ABLIM2: variants seen among roughly 807,000 people sequenced by gnomAD.
ABLIM2 encodes actin binding LIM protein family member 2, also known as actin-binding LIM protein 2.
Under a neutral mutation model 97.7 loss-of-function variants are expected in ABLIM2, and 53 were observed. That is an observed-to-expected ratio of 0.54 (90% CI 0.44 to 0.68). The LOEUF is 0.68. Among genes scored for constraint, ABLIM2 ranks in the 30% least tolerant of loss-of-function variants. The probability of loss-of-function intolerance (pLI) is 0.00; values close to 1 mark genes in which losing one functional copy is unlikely to be tolerated. For synonymous variants in ABLIM2, 361 were observed against 345.8 expected (o/e 1.04, Z -0.49); for missense variants, 835 against 867.2 (o/e 0.96, Z 0.47).
At chr4:7,991,548 G>A (rs999135342) in intron 17 of ABLIM2, among the ~76,000 whole-genome samples, 27 of 152,146 alleles carry the variant, frequency 1.8e-4, no homozygotes, top group African/African-American at 6.3e-4. Context: ...TGGTGTCGTA[G>A]GAGTCCTGTG....
intron 8 of ABLIM2, among the ~76,000 whole-genome samples, chr4:8,051,546 G>A (rs1413416500): frequency 7.7e-6 from 1 of 129,390 alleles, no homozygotes; most frequent in Non-Finnish European, 1.6e-5. Flanking sequence ...CCTGAAGACA[G>A]AGCGAGATTC....
At chr4:8,153,135 C>A (rs773429927) in intron 1 of ABLIM2, among the ~76,000 whole-genome samples, 1 of 152,104 alleles carries the variant, frequency 6.6e-6, no homozygotes, top group African/African-American at 2.4e-5. Context: ...CAAGACAGGC[C>A]CCTTCATCTC....
rs371957451 is a variant in ABLIM2 at position 8,080,669 on chromosome 4, C to A, written c.581+7G>T. 264 of 1,597,460 alleles carry A rather than the reference C, an allele frequency of 1.7e-4. No homozygotes were observed. The African/African-American group carries it at 2.6e-3, about 16-fold the overall frequency. On this transcript the variant is annotated splice_region_variant and intron_variant, in intron 5 of 20. Transcript: ENST00000447017. Reference sequence around the variant, plus strand: ...GAGGCTCTCACTAGAGCCCTCCCCCCACTTACTTGCTGATGTACTCGGCAT... The same window carrying A: ...GAGGCTCTCACTAGAGCCCTCCCCCAACTTACTTGCTGATGTACTCGGCAT...
intron 9 of ABLIM2, among the ~76,000 whole-genome samples, chr4:8,038,841 C>T (rs182818673): frequency 7.9e-4 from 120 of 152,274 alleles, no homozygotes; most frequent in African/African-American, 2.7e-3. Flanking sequence ...GAAATTGGAA[C>T]TCTGGCGCTT....
At chr4:8,029,392 G>C (rs546338840) in intron 11 of ABLIM2, among the ~76,000 whole-genome samples, 1 of 152,270 alleles carries the variant, frequency 6.6e-6, no homozygotes, top group South Asian at 2.1e-4. Flanking sequence ...CCTAGGCTGT[G>C]TGCTCCACGG....
chr4:8,142,082 T>C (rs750620295), intron 1 of ABLIM2, among the ~76,000 whole-genome samples: 6 of 152,152 alleles, frequency 3.9e-5, no homozygotes, highest in Non-Finnish European at 7.4e-5. Context: ...GGCGCAGCTG[T>C]TCGAGTTGTC....
chr4:8,094,311 G>C (rs1830298355), intron 3 of ABLIM2, among the ~76,000 whole-genome samples: 1 of 152,128 alleles, frequency 6.6e-6, no homozygotes, highest in Non-Finnish European at 1.5e-5. Flanking sequence ...GCTGCAGCAG[G>C]ACAAGCCACA....
chr4:8,052,166 T>C (rs1037578396), intron 8 of ABLIM2, among the ~76,000 whole-genome samples: 1 of 152,228 alleles, frequency 6.6e-6, no homozygotes, highest in African/African-American at 2.4e-5. Context: ...CGGAGCCACA[T>C]CATCAGGAGA....
At chr4:8,034,775 T>TA in intron 10 of ABLIM2, among the ~76,000 whole-genome samples, 1 of 11,538 alleles carries the variant, frequency 8.7e-5, no homozygotes. Context: ...GGTAGGTGGG[T>TA]GGTGGGTGCA....
rs1312835348 is a variant in ABLIM2, at chr4:8,019,157, C to T, written c.1423+461G>A. Among the ~76,000 whole-genome samples the T allele has an allele frequency of 6.6e-6, 1 of 152,202 alleles. No individual in the cohort carries two copies. The highest frequency in any genetic ancestry group is 1.5e-5 in the Non-Finnish European group (1 of 68,038). On this transcript the variant is annotated intron_variant, in intron 14 of 20. Coordinates refer to ENST00000447017, the MANE Select transcript of ABLIM2 (RefSeq NM_001130083.2). This position sits in a 1 kb window ranked among gnomAD's most constrained non-coding sequence, Gnocchi z 4.3. ...CGGAAGGCAAGGTCACCCATCCCATCATCAGAAATTCTCAAAACTCAAGAC... is the reference window on the plus strand; with the variant it reads ...CGGAAGGCAAGGTCACCCATCCCATTATCAGAAATTCTCAAAACTCAAGAC...
At chr4:7,994,188 G>A (rs1332417147) in intron 16 of ABLIM2, among the ~76,000 whole-genome samples, 1 of 35,434 alleles carries the variant, frequency 2.8e-5, no homozygotes, top group Admixed American at 3.6e-4. Flanking sequence ...ATGCTGGTGC[G>A]CTGCACCCAC....
Position 8,120,318 on chromosome 4 carries a change from C to A in ABLIM2, c.11-13681G>T, listed in dbSNP as rs1428289310. ...CAAGTGACTGTGTTCGGAGACGGGG[C>A]CTTCAAAGGTGTCGTTATGGTAAAG... On this transcript the variant is annotated intron_variant, in intron 1 of 20. Coordinates refer to ENST00000447017, the MANE Select transcript of ABLIM2 (RefSeq NM_001130083.2). This position sits in a 1 kb window ranked among gnomAD's most constrained non-coding sequence, Gnocchi z 5.6. Among the ~76,000 whole-genome samples, 1 of 152,130 alleles carries A rather than the reference C, an allele frequency of 6.6e-6. No homozygotes were observed. Among genetic ancestry groups the A allele is most frequent in the Non-Finnish European group, 1.5e-5 (1 of 68,022 alleles).
intron 20 of ABLIM2, among the ~76,000 whole-genome samples, chr4:7,971,302 C>T (rs1727800429): frequency 6.6e-6 from 1 of 152,174 alleles, no homozygotes; most frequent in South Asian, 2.1e-4. Flanking sequence ...GCTCCTCTGA[C>T]CCCAGGTTCC....
rs376809611 is a variant in ABLIM2 at position 8,009,158 on chromosome 4, C to T, written c.1424-56G>A. The stretch of plus-strand genomic sequence containing the variant: ...ACACACCATTGCTTGTGGGTTTCTG[C>T]CTCATGGTTTCCCATGTTACAGTTA... On this transcript the variant is annotated intron_variant, in intron 14 of 20. Transcript: ENST00000447017. 6.9e-5 allele frequency: 111 copies of T among 1,600,550 alleles called. No homozygotes were observed. In the African/African-American group the frequency reaches 1.3e-3, roughly 19 times the overall value.
rs367990340 is a variant in ABLIM2, at chr4:8,081,763, G to A, written c.455-961C>T. ...GCAGAGCGGCAGAGACGCTGTGACA[G>A]CATCCCCAAGGGAAAGGGCCTCTCA... On this transcript the variant is annotated intron_variant, in intron 4 of 20. Transcript: ENST00000447017. Among the ~76,000 whole-genome samples, 130 of 152,284 alleles carry A rather than the reference G, an allele frequency of 8.5e-4. 1 individual carries two copies. Among genetic ancestry groups the A allele is most frequent in the African/African-American group, 2.3e-3 (94 of 41,538 alleles).
At chr4:8,026,428 A>G (rs1777362182) in intron 12 of ABLIM2, among the ~76,000 whole-genome samples, 2 of 152,246 alleles carry the variant, frequency 1.3e-5, no homozygotes, top group South Asian at 4.1e-4. Context: ...GGCCCGCCCA[A>G]AGCAATGATG....
At position 8,004,750 on chromosome 4, in the gene ABLIM2, C is replaced by G. The variant is rs540939713; in HGVS notation, c.1618+3309G>C. On this transcript the variant is annotated intron_variant, in intron 16 of 20. Coordinates refer to ENST00000447017, the MANE Select transcript of ABLIM2 (RefSeq NM_001130083.2). The surrounding 1 kb of genome is among the most constrained non-coding windows in gnomAD (Gnocchi z 5.9). ...TAACATAAAATCAATAGCCTCCCTT[C>G]CTGTGCAGAAATCAGGTGCACTGAT... 6.6e-6 allele frequency among the ~76,000 whole-genome samples: 1 copy of G among 152,348 alleles called. No individual in the cohort carries two copies. Among genetic ancestry groups the G allele is most frequent in the East Asian group, 1.9e-4 (1 of 5,188 alleles).
At position 8,032,609 on chromosome 4, in the gene ABLIM2, G is replaced by A. The variant is rs375233547; in HGVS notation, c.1048-2833C>T. 1.7e-5 allele frequency: 28 copies of A among 1,611,706 alleles called. No homozygotes were observed. The highest frequency in any genetic ancestry group is 2.2e-5 in the South Asian group (2 of 91,046). ...TTATGTTTATAACCCAGGCAGCAGC[G>A]CCACGGCAAGCGGGGACAGGCGAGA... On this transcript the variant is annotated intron_variant, in intron 10 of 20. Transcript: ENST00000447017. The surrounding 1 kb of genome is among the most constrained non-coding windows in gnomAD (Gnocchi z 4.3).
In ABLIM2 at chr4:8,158,812, A is replaced by C; in HGVS notation, c.-123T>G. ...GGCTCCGCGCCCGCTCCTTGCGCAC[A>C]CGCCAGGCAGCGCCGCCGCAGCCCC... On this transcript the variant is annotated 5_prime_UTR_variant, in exon 1 of 21. Transcript: ENST00000447017. The C allele has an allele frequency of 2.3e-6, 2 of 862,830 alleles. No homozygotes were observed. Among genetic ancestry groups the C allele is most frequent in the Non-Finnish European group, 3.0e-6 (2 of 677,234 alleles). The allele number at this position is 862,830 out of a possible 1,614,324, so 53.4% of individuals were successfully genotyped here.
Sources: gnomAD v4.1 joint callset for allele counts (sites outside exome capture counted in the v4.1 genomes callset) on GRCh38, gnomAD v4.1.1 for gene constraint, Gnocchi (gnomAD v3.1) non-coding constraint, MANE v1.5 for transcripts, NCBI Gene and HGNC (gene_info 2026-07-23, HGNC 2026-07-21) for gene names.